Variants in PCDHA10 observed in about 807,000 individuals in gnomAD.
The protein encoded by PCDHA10 is protocadherin alpha-10.
PCDHA10 carries 45 observed loss-of-function variants against 61.2 expected under a neutral mutation model. That is an observed-to-expected ratio of 0.74 (90% CI 0.58 to 0.94). The LOEUF (loss-of-function observed/expected upper bound fraction) is 0.94, where lower values mean the gene tolerates loss of function less well. Ranked by LOEUF, PCDHA10 falls within the 40% of genes least tolerant of loss-of-function variation. The pLI is 0.00. For synonymous variants in PCDHA10, 602 were observed against 548.8 expected, an observed-to-expected ratio of 1.10 and a Z score of -1.35; for missense variants, 1,278 against 1,236.2, an observed-to-expected ratio of 1.03 and a Z score of -0.51.
chr5:140,942,759 G>A (rs2093365403), intron 1 of PCDHA10, among the ~76,000 whole-genome samples: 1 of 152,074 alleles, frequency 6.6e-6, no homozygotes, highest in Admixed American at 6.6e-5. Context: ...AAATGAGATG[G>A]CATAATGTAT....
chr5:140,928,893 T>C (rs1554206469), intron 1 of PCDHA10: 1 of 1,614,052 alleles, frequency 6.2e-7, no homozygotes, highest in African/African-American at 1.3e-5. Flanking sequence ...TTCCAGACTT[T>C]GAAGATGTCT....
intron 1 of PCDHA10, among the ~76,000 whole-genome samples, chr5:140,917,013 A>G (rs565656440): frequency 2.6e-4 from 39 of 152,080 alleles, no homozygotes; most frequent in Non-Finnish European, 4.6e-4. Context: ...ATCTCCCTTC[A>G]TGTGCAGCTG....
chr5:140,890,828 A>G (rs1554184556), intron 1 of PCDHA10, among the ~76,000 whole-genome samples: 1 of 152,180 alleles, frequency 6.6e-6, no homozygotes, highest in Non-Finnish European at 1.5e-5. Flanking sequence ...ATGTACTTAC[A>G]TATTTACCAG....
intron 1 of PCDHA10, among the ~76,000 whole-genome samples, chr5:140,971,090 T>G (rs1554233007): frequency 1.3e-5 from 2 of 152,204 alleles, no homozygotes. Context: ...TAACAAATTC[T>G]TGTGAAGCCC....
chr5:140,880,090 G>A (rs977793027), intron 1 of PCDHA10, among the ~76,000 whole-genome samples: 3 of 152,136 alleles, frequency 2.0e-5, no homozygotes, highest in Admixed American at 2.0e-4. Context: ...ATTATAGTAG[G>A]CTTAAAATCA....
intron 1 of PCDHA10, among the ~76,000 whole-genome samples, chr5:140,956,852 G>T (rs931766503): frequency 3.3e-5 from 5 of 152,060 alleles, no homozygotes; most frequent in African/African-American, 1.2e-4. Context: ...TGGGTTAAAT[G>T]GTTGAATGAA....
At chr5:140,954,938 GT>G (rs2095112203) in intron 1 of PCDHA10, among the ~76,000 whole-genome samples, 1 of 152,078 alleles carries the variant, frequency 6.6e-6, no homozygotes, top group Admixed American at 6.6e-5. Flanking sequence ...TTAATCTTGA[GT>G]TAATTTTTGT....
intron 1 of PCDHA10, among the ~76,000 whole-genome samples, chr5:140,924,429 A>G (rs1331551212): frequency 6.6e-6 from 1 of 152,184 alleles, no homozygotes; most frequent in Non-Finnish European, 1.5e-5. Flanking sequence ...CTAGTTCCCT[A>G]GAAGAGATAA....
At chr5:140,883,303 T>C in intron 1 of PCDHA10, 3 of 1,614,096 alleles carry the variant, frequency 1.9e-6, no homozygotes, top group Non-Finnish European at 2.5e-6. Flanking sequence ...ATGTAAATGA[T>C]AACGCCCCAG....
rs1237134609 is a variant in PCDHA10 at position 141,011,353 on chromosome 5, A to T, written c.*1416A>T. 6.5e-6 allele frequency: 1 copy of T among 153,692 alleles called. No homozygotes were observed. The highest frequency in any genetic ancestry group is 1.5e-5 in the Non-Finnish European group (1 of 68,032). The allele number at this position is 153,692 out of a possible 1,614,324, so 9.5% of individuals were successfully genotyped here. On this transcript the variant is annotated 3_prime_UTR_variant, in exon 4 of 4. Coordinates refer to ENST00000307360, the MANE Select transcript of PCDHA10 (RefSeq NM_018901.4). ...ATGTTACCTGAAATCAATCTCCCAT[A>T]TGTATGCTGTATGCTATGCTAAGAC...
chr5:140,922,765 A>T (rs1346337086), intron 1 of PCDHA10, among the ~76,000 whole-genome samples: 1 of 152,258 alleles, frequency 6.6e-6, no homozygotes, highest in Non-Finnish European at 1.5e-5. Flanking sequence ...TAAAGAATTT[A>T]AAAGAACTGG....
intron 1 of PCDHA10, among the ~76,000 whole-genome samples, chr5:140,964,823 G>A (rs541084771): frequency 2.6e-5 from 4 of 152,218 alleles, no homozygotes; most frequent in Non-Finnish European, 1.5e-5. Context: ...AGATTTTGAT[G>A]AAAATTGCTT....
chr5:140,896,536 CT>C (rs34213614), intron 1 of PCDHA10, among the ~76,000 whole-genome samples: 112 of 145,476 alleles, frequency 7.7e-4, no homozygotes, highest in Admixed American at 9.6e-4. Flanking sequence ...AGCTATTTTT[CT>C]TTTTTTTTTT....
chr5:140,921,940 C>T (rs114983283), intron 1 of PCDHA10, among the ~76,000 whole-genome samples: 6,108 of 151,846 alleles, frequency 0.04, 136 homozygotes, highest in Non-Finnish European at 0.052. Context: ...TATAATTTTA[C>T]ACTTGTAAAA....
chr5:140,898,228 C>T (rs1302111875), intron 1 of PCDHA10, among the ~76,000 whole-genome samples: 1 of 152,118 alleles, frequency 6.6e-6, no homozygotes, highest in Non-Finnish European at 1.5e-5. Flanking sequence ...CTTTTGTTGC[C>T]ATTGCTTTTG....
chr5:140,977,681 A>G (rs1363970729), intron 1 of PCDHA10, among the ~76,000 whole-genome samples: 2 of 152,208 alleles, frequency 1.3e-5, no homozygotes, highest in African/African-American at 4.8e-5. Context: ...AATATCATGT[A>G]GCCATCCAGA....
chr5:140,967,901 A>T, intron 1 of PCDHA10: 2 of 1,614,142 alleles, frequency 1.2e-6, no homozygotes, highest in African/African-American at 1.3e-5. Context: ...TGAGAATGCT[A>T]CACCCAACAC....
rs1554150129 is a variant in PCDHA10 at position 140,857,501 on chromosome 5, G to C, written c.1453G>C (p.Glu485Gln). ...TVSAWDADAQ[E>Q]NALVSYSLVE... ...GTCTGCGTGGGACGCGGACGCGCAGGAGAACGCCCTGGTGTCCTACTCTCT... is the reference window on the plus strand; with the variant it reads ...GTCTGCGTGGGACGCGGACGCGCAGCAGAACGCCCTGGTGTCCTACTCTCT... The change falls in exon 1 of 4, where the codon GAG becomes CAG. Residue 485 changes from glutamate (E) to glutamine (Q), a missense_variant. Transcript: ENST00000307360. 6.3e-7 allele frequency: 1 copy of C among 1,598,242 alleles called. No homozygotes were observed. The highest frequency in any genetic ancestry group is 8.6e-7 in the Non-Finnish European group (1 of 1,167,874).
rs147537783 is a variant in PCDHA10 at position 140,982,491 on chromosome 5, G to C, written c.2464G>C (p.Glu822Gln). 1 of 1,614,076 alleles carries C rather than the reference G, an allele frequency of 6.2e-7. No individual in the cohort carries two copies. Among genetic ancestry groups the C allele is most frequent in the African/African-American group, 1.3e-5 (1 of 74,924 alleles). The change falls in exon 3 of 4, where the codon GAG becomes CAG. Residue 822 changes from glutamate to glutamine, a missense_variant. Physicochemically the swap from Glu to Gln is conservative, Grantham distance 29. Coordinates refer to ENST00000307360, the MANE Select transcript of PCDHA10 (RefSeq NM_018901.4). ...TTTATTCAGCTCTGTGCACCTAGAG[G>C]AGGCTGGCATTCTACGGGCTGGTCC... is the stretch of plus-strand genomic sequence containing the variant. ...AGMHSSVHLE[E>Q]AGILRAGPGG...
Sources: allele counts gnomAD v4.1 joint callset (sites outside exome capture counted in the v4.1 genomes callset), GRCh38; gene constraint gnomAD v4.1.1; transcripts MANE v1.5; gene names NCBI Gene and HGNC (gene_info 2026-07-23, HGNC 2026-07-21).